Variants in RIMS1 observed in about 807,000 individuals in gnomAD.
RIMS1 encodes the protein regulating synaptic membrane exocytosis 1.
RIMS1 carries 83 observed loss-of-function variants against 214.1 expected under a neutral mutation model. That is an observed-to-expected ratio of 0.39 (90% CI 0.32 to 0.47). The LOEUF (loss-of-function observed/expected upper bound fraction) is 0.47. Ranked by LOEUF, RIMS1 falls within the 20% of genes least tolerant of loss-of-function variation. The pLI is 0.99. For missense variants in RIMS1, 2,050 were observed against 2,161.8 expected (o/e 0.95, Z 1.03); for synonymous variants, 793 against 786.8 (o/e 1.01, Z -0.13).
intron 6 of RIMS1, among the ~76,000 whole-genome samples, chr6:72,226,999 G>A (rs1316881580): frequency 6.6e-6 from 1 of 151,982 alleles, no homozygotes; most frequent in Non-Finnish European, 1.5e-5. Flanking sequence ...AGAGGACAAG[G>A]TTAATAGAGA....
intron 1 of RIMS1, among the ~76,000 whole-genome samples, chr6:71,921,863 A>T (rs1424429460): frequency 1.1e-4 from 17 of 152,176 alleles, no homozygotes; most frequent in Admixed American, 1.1e-3. Context: ...CTTTATGGGA[A>T]TTTCTGATGA....
chr6:71,992,099 A>T (rs541814889), intron 2 of RIMS1, among the ~76,000 whole-genome samples: 1 of 152,246 alleles, frequency 6.6e-6, no homozygotes, highest in East Asian at 1.9e-4. Context: ...AAATTGTATG[A>T]AATAGAGAAG....
chr6:71,933,623 G>A (rs1783693792), intron 1 of RIMS1, among the ~76,000 whole-genome samples: 1 of 151,728 alleles, frequency 6.6e-6, no homozygotes, highest in African/African-American at 2.4e-5. Context: ...GATGGTGTGA[G>A]GGAGAGGATT....
chr6:72,261,182 T>C, intron 19 of RIMS1: 2 of 1,016,590 alleles, frequency 2.0e-6, no homozygotes, highest in Non-Finnish European at 2.4e-6. Context: ...TGTTTTAGCC[T>C]TTTTTAATTT....
intron 2 of RIMS1, among the ~76,000 whole-genome samples, chr6:71,983,961 T>C (rs1373572645): frequency 6.6e-6 from 1 of 152,226 alleles, no homozygotes; most frequent in East Asian, 1.9e-4. Flanking sequence ...ATGGCATTTA[T>C]CTTATCTTTG....
At chr6:71,906,339 TCAA>T (rs1380271291) in intron 1 of RIMS1, among the ~76,000 whole-genome samples, 1 of 152,166 alleles carries the variant, frequency 6.6e-6, no homozygotes, top group Non-Finnish European at 1.5e-5. Flanking sequence ...AGTGTCATAA[TCAA>T]CAAATAACAT....
intron 1 of RIMS1, among the ~76,000 whole-genome samples, chr6:71,935,509 G>A (rs893377438): frequency 6.6e-6 from 1 of 152,160 alleles, no homozygotes; most frequent in African/African-American, 2.4e-5. Context: ...AAAAGCATAG[G>A]GTTTTCTTAA....
chr6:72,303,367 A>T (rs1233348680), intron 26 of RIMS1, among the ~76,000 whole-genome samples: 6 of 151,014 alleles, frequency 4.0e-5, no homozygotes, highest in Admixed American at 1.3e-4. Context: ...TAGTTTCTTC[A>T]TAGATTTATT....
intron 29 of RIMS1, among the ~76,000 whole-genome samples, chr6:72,379,192 G>C (rs1025304904): frequency 6.6e-6 from 1 of 152,226 alleles, no homozygotes. Context: ...GGCACACACA[G>C]ATAGTGTTTA....
At chr6:72,091,635 TAG>T (rs1274642334) in intron 2 of RIMS1, among the ~76,000 whole-genome samples, 5 of 152,190 alleles carry the variant, frequency 3.3e-5, no homozygotes, top group African/African-American at 1.2e-4. Context: ...AATTGAATTT[TAG>T]AGTTTCTTGA....
At chr6:72,080,965 T>A (rs1833231687) in intron 2 of RIMS1, among the ~76,000 whole-genome samples, 1 of 152,230 alleles carries the variant, frequency 6.6e-6, no homozygotes, top group Non-Finnish European at 1.5e-5. Context: ...ATATGCTAAG[T>A]TTAACCCTAA....
intron 28 of RIMS1, among the ~76,000 whole-genome samples, chr6:72,326,894 A>G (rs1489844055): frequency 2.6e-5 from 4 of 151,794 alleles, no homozygotes; most frequent in Admixed American, 2.6e-4. Flanking sequence ...AGTCAAAGAC[A>G]GAGATATGAC....
In RIMS1 at chr6:72,184,388, TTGC is replaced by T. The variant is rs377263035; in HGVS notation, c.1678+1243_1678+1245del. On this transcript the variant is annotated intron_variant, in intron 6 of 33. Transcript: ENST00000521978. The stretch of plus-strand genomic sequence containing the variant: ...GTTGAAAAAGAAATTTGTGACGCTG[TTGC>T]TGCAGCTACGTCAGCAGGAGCAAAA... Among the ~76,000 whole-genome samples, 155 of 152,354 alleles carry T rather than the reference TTGC, an allele frequency of 1.0e-3. 1 individual carries two copies. Among genetic ancestry groups the T allele is most frequent in the African/African-American group, 3.7e-3 (153 of 41,586 alleles).
chr6:72,202,407 T>A (rs978815953), intron 6 of RIMS1, among the ~76,000 whole-genome samples: 3 of 152,208 alleles, frequency 2.0e-5, no homozygotes, highest in Admixed American at 6.5e-5. Context: ...CTTCTCATGA[T>A]CTTCTCTCTC....
In RIMS1 at chr6:71,887,111, G is replaced by C. The variant is rs760847396; in HGVS notation, c.88G>C (p.Glu30Gln). The change falls in exon 1 of 34, where the codon GAA becomes CAA. Residue 30 changes from glutamate to glutamine, a missense_variant. Glu to Gln is a conservative substitution (Grantham distance 29). Coordinates refer to ENST00000521978, the MANE Select transcript of RIMS1 (RefSeq NM_014989.7). ...GCTGCCCGACCTGAGCCACCTGACC[G>C]AAGAGGAGAGGAACATTATCATGGC... ...QELPDLSHLT[E>Q]EERNIIMAVM... 6.8e-6 allele frequency: 11 copies of C among 1,613,472 alleles called. No homozygotes were observed. The highest frequency in any genetic ancestry group is 7.6e-6 in the Non-Finnish European group (9 of 1,179,678).
chr6:72,266,112 T>C (rs1436212006), intron 22 of RIMS1, 63 bp downstream of exon 22: 2 of 1,216,328 alleles, frequency 1.6e-6, no homozygotes, highest in South Asian at 2.6e-5. Flanking sequence ...TCAGTCACTT[T>C]GTTTTGTTTC....
intron 28 of RIMS1, among the ~76,000 whole-genome samples, chr6:72,323,165 C>T (rs1243038322): frequency 2.0e-5 from 3 of 151,996 alleles, no homozygotes; most frequent in Non-Finnish European, 4.4e-5. Flanking sequence ...AAGAACAAGA[C>T]GAAATCTTTC....
chr6:72,353,476 T>G (rs956723898), intron 29 of RIMS1, among the ~76,000 whole-genome samples: 2 of 152,198 alleles, frequency 1.3e-5, no homozygotes, highest in Admixed American at 1.3e-4. Flanking sequence ...TTTTGACTCT[T>G]AGAGTCCAGG....
At chr6:71,926,794 C>T (rs747077802) in intron 1 of RIMS1, among the ~76,000 whole-genome samples, 22 of 152,134 alleles carry the variant, frequency 1.4e-4, no homozygotes, top group African/African-American at 4.3e-4. Flanking sequence ...TACATAGGTA[C>T]GATTCATGAT....
Sources: allele counts gnomAD v4.1 joint callset (sites outside exome capture counted in the v4.1 genomes callset), GRCh38; gene constraint gnomAD v4.1.1; transcripts MANE v1.5; gene names NCBI Gene and HGNC (gene_info 2026-07-23, HGNC 2026-07-21).